The following TBC1D4 variants were observed in gnomAD, a reference collection of about 807,000 sequenced individuals.
TBC1D4 encodes the protein TBC1 domain family member 4.
TBC1D4 carries 121 observed loss-of-function variants against 142.5 expected under a neutral mutation model. The observed-to-expected ratio is 0.85, with a 90% confidence interval of 0.73 to 0.99. The LOEUF is 0.99. TBC1D4 is among the 50% of genes least tolerant of loss of function. TBC1D4 has a pLI of 0.00. For missense variants in TBC1D4, 1,475 were observed against 1,606.6 expected (o/e 0.92, Z 1.40); for synonymous variants, 630 against 628.2 (o/e 1.00, Z -0.04).
intron 1 of TBC1D4, among the ~76,000 whole-genome samples, chr13:75,476,420 T>C (rs946202443): frequency 6.6e-6 from 1 of 152,226 alleles, no homozygotes; most frequent in Non-Finnish European, 1.5e-5. Flanking sequence ...TCAAAACGTT[T>C]CTGACGTTAA....
chr13:75,457,857 A>T (rs1306748938), intron 1 of TBC1D4, among the ~76,000 whole-genome samples: 1 of 152,148 alleles, frequency 6.6e-6, no homozygotes, highest in Non-Finnish European at 1.5e-5. Context: ...TGGGTCTTAC[A>T]ACAGGGGTGT....
intron 1 of TBC1D4, among the ~76,000 whole-genome samples, chr13:75,417,481 A>T (rs1456555807): frequency 1.3e-5 from 2 of 152,026 alleles, no homozygotes; most frequent in Non-Finnish European, 2.9e-5. Context: ...CAGATAGAAA[A>T]TAAGAGTCAT....
chr13:75,388,992 A>C (rs1387544345), intron 1 of TBC1D4, among the ~76,000 whole-genome samples: 2 of 152,218 alleles, frequency 1.3e-5, no homozygotes, highest in Admixed American at 1.3e-4. Context: ...TTGTGCATAA[A>C]GTGGTTTACT....
chr13:75,385,068 T>C (rs990644227), intron 1 of TBC1D4, among the ~76,000 whole-genome samples: 4 of 152,116 alleles, frequency 2.6e-5, no homozygotes, highest in Non-Finnish European at 5.9e-5. Flanking sequence ...CATAGACTGC[T>C]CACTGCTCAG....
chr13:75,384,316 G>C (rs1439418649), intron 1 of TBC1D4, among the ~76,000 whole-genome samples: 4 of 151,972 alleles, frequency 2.6e-5, no homozygotes, highest in Non-Finnish European at 5.9e-5. Flanking sequence ...GGTGTCTGTA[G>C]TCCCAGCTAC....
intron 1 of TBC1D4, chr13:75,367,039 T>C (rs1425366298): frequency 3.1e-6 from 3 of 952,978 alleles, no homozygotes; most frequent in Non-Finnish European, 3.7e-6. Flanking sequence ...GTATTTTCAT[T>C]GTATTTATTA....
intron 1 of TBC1D4, among the ~76,000 whole-genome samples, chr13:75,393,183 C>A (rs1438885100): frequency 6.6e-6 from 1 of 150,614 alleles, no homozygotes; most frequent in Non-Finnish European, 1.5e-5. Context: ...CTTACTACTG[C>A]ATTTGGTTTT....
intron 1 of TBC1D4, among the ~76,000 whole-genome samples, chr13:75,379,887 C>CTT (rs750734086): frequency 2.0e-5 from 2 of 98,606 alleles, no homozygotes; most frequent in African/African-American, 7.0e-5. Flanking sequence ...TCATCTGACT[C>CTT]TTTTTTTTTT....
intron 18 of TBC1D4, among the ~76,000 whole-genome samples, chr13:75,294,100 T>G (rs1034119666): frequency 6.6e-6 from 1 of 152,202 alleles, no homozygotes; most frequent in Non-Finnish European, 1.5e-5. Context: ...AAGAGTTGGT[T>G]GTTGTTGTTG....
intron 1 of TBC1D4, among the ~76,000 whole-genome samples, chr13:75,423,677 T>C (rs972047759): frequency 1.3e-5 from 2 of 152,204 alleles, no homozygotes; most frequent in African/African-American, 4.8e-5. Flanking sequence ...AAAACTTCCA[T>C]TGTAGAGTAA....
intron 1 of TBC1D4, among the ~76,000 whole-genome samples, chr13:75,438,030 CTTCAGG>C (rs1217171501): frequency 2.6e-5 from 4 of 152,146 alleles, no homozygotes; most frequent in Non-Finnish European, 2.9e-5. Flanking sequence ...AAAATAAAAT[CTTCAGG>C]TTCTCCCATC....
At chr13:75,459,261 T>C (rs1008659640) in intron 1 of TBC1D4, among the ~76,000 whole-genome samples, 4 of 152,194 alleles carry the variant, frequency 2.6e-5, no homozygotes, top group African/African-American at 9.7e-5. Flanking sequence ...CTTCCCTGCC[T>C]TTCCCTTCCC....
intron 19 of TBC1D4, 64 bp downstream of exon 19, chr13:75,292,038 A>C: frequency 7.2e-7 from 1 of 1,380,786 alleles, no homozygotes; most frequent in Non-Finnish European, 1.0e-6. Flanking sequence ...TTTTAGGCTA[A>C]AGCATTTAAT....
chr13:75,478,558 T>C (rs564855101), intron 1 of TBC1D4, among the ~76,000 whole-genome samples: 7 of 152,306 alleles, frequency 4.6e-5, no homozygotes, highest in African/African-American at 1.7e-4. Context: ...TAAATAATTC[T>C]CCACTTCAAA....
rs1446764456 is a variant in TBC1D4, at chr13:75,351,995, CAT to C, written c.1276-2695_1276-2694del. Among the ~76,000 whole-genome samples, 5 of 152,330 alleles carry C rather than the reference CAT, an allele frequency of 3.3e-5. No homozygotes were observed. The East Asian group carries it at 5.8e-4, about 18-fold the overall frequency. On this transcript the variant is annotated intron_variant, in intron 4 of 20. Coordinates refer to ENST00000377636, the MANE Select transcript of TBC1D4 (RefSeq NM_014832.5). ...ATTTTATACTACGTGTAAATTCTCA[CAT>C]GACAGCTCATATGTCTGAAGCTAAG...
rs61960553 is a variant in TBC1D4, at chr13:75,297,301, A to G, written c.3156+2029T>C. On this transcript the variant is annotated intron_variant, in intron 17 of 20. Coordinates refer to ENST00000377636, the MANE Select transcript of TBC1D4 (RefSeq NM_014832.5). ...AGTTGAAATATCATTGTATTTTTAA[A>G]CTGATAGCTATTATCCTTTTATCTG... 0.013 allele frequency among the ~76,000 whole-genome samples: 1,917 copies of G among 152,328 alleles called. 59 individuals carry two copies. In the East Asian group the frequency reaches 0.13, roughly 10 times the overall value.
chr13:75,453,000 G>A (rs1887592434), intron 1 of TBC1D4, among the ~76,000 whole-genome samples: 1 of 152,006 alleles, frequency 6.6e-6, no homozygotes, highest in Non-Finnish European at 1.5e-5. Context: ...TGTTGGCAAT[G>A]GTAGGTTTTA....
At position 75,310,011 on chromosome 13, in the gene TBC1D4, A is replaced by G; in HGVS notation, c.2524T>C (p.Leu842=). Residue 842 remains leucine (L), a synonymous_variant, in exon 14 of 21, where the codon TTG becomes CTG. Coordinates refer to ENST00000377636, the MANE Select transcript of TBC1D4 (RefSeq NM_014832.5). ...ERKKSKELRS[L]WRKAIHQQIL... Reference sequence around the variant, plus strand: ...TGTTGGTGTATAGCTTTTCTCCACAAGCTCCTCAGTTCTTTTGATTTCTTT... The same window carrying G: ...TGTTGGTGTATAGCTTTTCTCCACAGGCTCCTCAGTTCTTTTGATTTCTTT... The G allele has an allele frequency of 6.2e-7, 1 of 1,614,138 alleles. No homozygotes were observed. The highest frequency in any genetic ancestry group is 8.5e-7 in the Non-Finnish European group (1 of 1,180,002).
At chr13:75,343,267 C>T (rs879633110) in intron 5 of TBC1D4, among the ~76,000 whole-genome samples, 7 of 152,168 alleles carry the variant, frequency 4.6e-5, no homozygotes, top group Admixed American at 3.9e-4. Context: ...TTTAAAAGAT[C>T]TAGAATTCAC....
Sources: allele counts gnomAD v4.1 joint callset (sites outside exome capture counted in the v4.1 genomes callset), GRCh38; gene constraint gnomAD v4.1.1; transcripts MANE v1.5; gene names NCBI Gene and HGNC (gene_info 2026-07-23, HGNC 2026-07-21).